REEP1: variants seen among roughly 807,000 people sequenced by gnomAD.
REEP1 encodes the protein receptor expression-enhancing protein 1.
In REEP1, 22 loss-of-function variants were observed where a neutral mutation model predicts 40.3. The ratio of observed to expected loss-of-function variants is 0.55; its 90% CI spans 0.39 to 0.78. The LOEUF is 0.78. REEP1 is among the 30% of genes least tolerant of loss of function. REEP1 has a pLI of 0.00. For synonymous variants in REEP1, 116 were observed against 139.2 expected (o/e 0.83, Z 1.17); for missense variants, 280 against 361.1 (o/e 0.78, Z 1.82).
chr2:86,240,994 G>C (rs1000373536), intron 5 of REEP1, among the ~76,000 whole-genome samples: 4 of 152,222 alleles, frequency 2.6e-5, no homozygotes, highest in Admixed American at 2.0e-4. Flanking sequence ...GGAAGCCTGG[G>C]AGGTTAGACA....
chr2:86,273,449 A>G (rs1192616951), intron 2 of REEP1, among the ~76,000 whole-genome samples: 2 of 151,920 alleles, frequency 1.3e-5, no homozygotes, highest in Non-Finnish European at 2.9e-5. Flanking sequence ...AAGGCTGGCC[A>G]GTTTTTTTGT....
At chr2:86,313,728 C>A (rs1345023205) in intron 1 of REEP1, among the ~76,000 whole-genome samples, 1 of 152,154 alleles carries the variant, frequency 6.6e-6, no homozygotes, top group African/African-American at 2.4e-5. Context: ...TGGAAAAGAC[C>A]AGGTGTGAGA....
At chr2:86,281,807 G>A (rs868019334) in intron 2 of REEP1, among the ~76,000 whole-genome samples, 11 of 152,288 alleles carry the variant, frequency 7.2e-5, no homozygotes, top group Middle Eastern at 6.8e-3. Context: ...TCCTGCCTGC[G>A]ATGCTGGACT....
intron 3 of REEP1, among the ~76,000 whole-genome samples, chr2:86,258,022 C>T (rs879412600): frequency 3.3e-5 from 5 of 152,198 alleles, no homozygotes; most frequent in Non-Finnish European, 7.3e-5. Context: ...CTACTTCAGC[C>T]GAGCTACAAG....
chr2:86,296,359 G>A (rs1299716606), intron 1 of REEP1, among the ~76,000 whole-genome samples: 2 of 152,192 alleles, frequency 1.3e-5, no homozygotes, highest in Non-Finnish European at 2.9e-5. Flanking sequence ...TTAAATAGTT[G>A]GACTAAGGTC....
chr2:86,295,035 T>C (rs1416625063), intron 1 of REEP1, among the ~76,000 whole-genome samples: 2 of 152,104 alleles, frequency 1.3e-5, no homozygotes, highest in East Asian at 3.9e-4. Context: ...ACAAAACCTA[T>C]TTTAAAAAAA....
At chr2:86,275,990 C>T (rs906062622) in intron 2 of REEP1, among the ~76,000 whole-genome samples, 31 of 152,224 alleles carry the variant, frequency 2.0e-4, no homozygotes, top group Admixed American at 2.0e-3. Flanking sequence ...ACAGGTCCCA[C>T]AGCAGAGGAG....
In REEP1 at chr2:86,238,990, A is replaced by C. The variant is rs375709070; in HGVS notation, c.418-6188T>G. On this transcript the variant is annotated intron_variant, in intron 5 of 8. Transcript: ENST00000538924. The stretch of plus-strand genomic sequence containing the variant: ...AAGGCTACGTGGTTTCTTCGTAAAC[A>C]ACCATGCCAGTAGAAGGCAGGGGTA... 2.0e-5 allele frequency among the ~76,000 whole-genome samples: 3 copies of C among 152,228 alleles called. No individual in the cohort carries two copies. The South Asian group carries it at 6.2e-4, about 32-fold the overall frequency.
intron 2 of REEP1, among the ~76,000 whole-genome samples, chr2:86,273,434 C>T (rs1407506631): frequency 1.3e-5 from 2 of 152,010 alleles, no homozygotes; most frequent in African/African-American, 4.8e-5. Flanking sequence ...TAGGTGCATG[C>T]CACCAAGGCT....
intron 7 of REEP1, 103 bp downstream of exon 7, chr2:86,227,260 A>G (rs956265758): frequency 3.3e-6 from 3 of 913,970 alleles, no homozygotes; most frequent in African/African-American, 3.4e-5. Flanking sequence ...CCCTATGACC[A>G]TGCAGCTGAA....
chr2:86,231,206 T>C (rs1470449277), intron 6 of REEP1, among the ~76,000 whole-genome samples: 1 of 152,132 alleles, frequency 6.6e-6, no homozygotes, highest in African/African-American at 2.4e-5. Context: ...GGTCATTTCC[T>C]GTCTGGCCTT....
In REEP1 at chr2:86,266,660, A is replaced by T. The variant is rs549554180; in HGVS notation, c.106-2619T>A. The stretch of plus-strand genomic sequence containing the variant: ...AAATAAAAATAAAAATAAAAAAAAT[A>T]AAATAAATAAATAAATAAATAAAGA... On this transcript the variant is annotated intron_variant, in intron 2 of 8. Coordinates refer to ENST00000538924, the MANE Select transcript of REEP1 (RefSeq NM_001371279.1). Among the ~76,000 whole-genome samples the T allele has an allele frequency of 8.1e-5, 12 of 147,840 alleles. 1 individual carries two copies. The South Asian group carries it at 1.0e-3, about 13-fold the overall frequency.
rs1553456158 is a variant in REEP1 at position 86,217,684 on chromosome 2, T to TTTTTTTTC, written c.784-575_784-574insGAAAAAAA. Among the ~76,000 whole-genome samples, 176 of 127,840 alleles carry TTTTTTTTC rather than the reference T, an allele frequency of 1.4e-3. 11 individuals are homozygous for TTTTTTTTC. Among genetic ancestry groups the TTTTTTTTC allele is most frequent in the South Asian group, 8.9e-3 (34 of 3,806 alleles). The allele number at this position is 127,840 out of a possible 152,430, so 83.9% of individuals were successfully genotyped here. On this transcript the variant is annotated intron_variant, in intron 8 of 8. Coordinates refer to ENST00000538924, the MANE Select transcript of REEP1 (RefSeq NM_001371279.1). ...ATTTCAGATTTTTTTTTTTTTTTTTTCAGATTTTGGGATGTTTGCATATAC... is the reference window on the plus strand; with the variant it reads ...ATTTCAGATTTTTTTTTTTTTTTTTTTTTTTTTCCAGATTTTGGGATGTTTGCATATAC...
intron 1 of REEP1, among the ~76,000 whole-genome samples, chr2:86,327,273 C>T (rs1239546587): frequency 6.6e-5 from 10 of 151,880 alleles, no homozygotes. Context: ...TTTGTTTTTT[C>T]ATTTTAAAAA....
chr2:86,238,515 G>A (rs1675483807), intron 5 of REEP1, among the ~76,000 whole-genome samples: 3 of 152,192 alleles, frequency 2.0e-5, no homozygotes, highest in Admixed American at 1.3e-4. Flanking sequence ...TGGGGTTAAG[G>A]AGTTGCATGA....
chr2:86,259,678 A>C (rs145026015), intron 3 of REEP1, among the ~76,000 whole-genome samples: 1 of 152,136 alleles, frequency 6.6e-6, no homozygotes, highest in East Asian at 1.9e-4. Flanking sequence ...ATGAGCCACC[A>C]CGCCCAGCCT....
At chr2:86,223,048 A>T (rs1674509409) in intron 7 of REEP1, among the ~76,000 whole-genome samples, 1 of 152,202 alleles carries the variant, frequency 6.6e-6, no homozygotes, top group Non-Finnish European at 1.5e-5. Flanking sequence ...CTCCCGCCCA[A>T]GGTCATGGCC....
intron 1 of REEP1, among the ~76,000 whole-genome samples, chr2:86,285,932 A>T (rs1358275172): frequency 6.6e-6 from 1 of 152,138 alleles, no homozygotes; most frequent in Non-Finnish European, 1.5e-5. Flanking sequence ...GGAAGGCTGG[A>T]GTGCCATCCT....
intron 1 of REEP1, among the ~76,000 whole-genome samples, chr2:86,331,550 G>A (rs1203929518): frequency 6.6e-6 from 1 of 151,996 alleles, no homozygotes; most frequent in Non-Finnish European, 1.5e-5. Flanking sequence ...GGGGAATGTA[G>A]TATAGATACG....
Sources: gnomAD v4.1 joint callset for allele counts (sites outside exome capture counted in the v4.1 genomes callset) on GRCh38, gnomAD v4.1.1 for gene constraint, MANE v1.5 for transcripts, NCBI Gene and HGNC (gene_info 2026-07-23, HGNC 2026-07-21) for gene names.